Variants in MICU2 observed in about 807,000 individuals in gnomAD.
The protein encoded by MICU2 is calcium uptake protein 2, mitochondrial.
Under a neutral mutation model 60.4 loss-of-function variants are expected in MICU2, and 64 were observed. The ratio of observed to expected loss-of-function variants is 1.06; its 90% CI spans 0.87 to 1.31. The LOEUF is 1.31. Among genes scored for constraint, MICU2 ranks in the 50% most tolerant of loss-of-function variants. MICU2 has a pLI of 0.00. For synonymous variants in MICU2, 201 were observed against 175.0 expected (o/e 1.15, Z -1.17); for missense variants, 569 against 531.0 (o/e 1.07, Z -0.70).
chr13:21,584,771 C>T lies in MICU2; in HGVS notation c.211-17827G>A, dbSNP rs189457906. On this transcript the variant is annotated intron_variant, in intron 1 of 11. Coordinates refer to ENST00000382374, the MANE Select transcript of MICU2 (RefSeq NM_152726.3). ...AATTTACTCTACCAAATATTTACTG[C>T]TTTTTAAACTATAAATAAAACATTT... 1.7e-3 allele frequency among the ~76,000 whole-genome samples: 264 copies of T among 152,184 alleles called. 3 individuals carry two copies. The highest frequency in any genetic ancestry group is 6.2e-3 in the African/African-American group (256 of 41,516).
intron 4 of MICU2, among the ~76,000 whole-genome samples, chr13:21,538,368 G>C (rs1482200641): frequency 6.6e-6 from 1 of 151,872 alleles, no homozygotes. Context: ...CCAGGAGTTT[G>C]AGTCCAGCCT....
chr13:21,583,379 T>C (rs1397354711), intron 1 of MICU2, among the ~76,000 whole-genome samples: 3 of 152,266 alleles, frequency 2.0e-5, no homozygotes, highest in African/African-American at 7.2e-5. Context: ...TAAAATACAC[T>C]ACTGATTGCC....
chr13:21,521,954 T>C (rs1336870206), intron 5 of MICU2, among the ~76,000 whole-genome samples: 1 of 152,204 alleles, frequency 6.6e-6, no homozygotes. Context: ...ATTTTTAATT[T>C]TTTTTGTAGA....
chr13:21,510,040 CT>C lies in MICU2; in HGVS notation c.724del (p.Arg242GlufsTer34), dbSNP rs1886389149. On this transcript the variant is annotated frameshift_variant, in exon 8 of 12. Transcript: ENST00000382374. LOFTEE classifies it high-confidence loss of function. ...TTTATAATGAAGTTTTCTTTGTCCTCTTTTTCCAAAGAAACGCATCTGAAGA... is the reference window on the plus strand; with the variant it reads ...TTTATAATGAAGTTTTCTTTGTCCTCTTTTCCAAAGAAACGCATCTGAAGA... ...TTLQMRFFGK[R>X]GQRKLHYKEF... is the part of the protein sequence containing the mutation. 4.5e-6 allele frequency: 7 copies of C among 1,542,338 alleles called. No homozygotes were observed. Among genetic ancestry groups the C allele is most frequent in the East Asian group, 4.9e-5 (2 of 40,428 alleles).
At chr13:21,522,098 A>G (rs1431508541) in intron 5 of MICU2, among the ~76,000 whole-genome samples, 5 of 152,252 alleles carry the variant, frequency 3.3e-5, no homozygotes, top group African/African-American at 1.2e-4. Flanking sequence ...TATAAAGACT[A>G]AGAAATTAAC....
At chr13:21,578,924 C>G (rs143129925) in intron 1 of MICU2, among the ~76,000 whole-genome samples, 1 of 152,274 alleles carries the variant, frequency 6.6e-6, no homozygotes, top group East Asian at 1.9e-4. Flanking sequence ...ATCATGGAAT[C>G]TTAGAAACAG....
chr13:21,518,304 AC>A (rs1358523044), intron 6 of MICU2, among the ~76,000 whole-genome samples: 1 of 152,210 alleles, frequency 6.6e-6, no homozygotes, highest in Admixed American at 6.5e-5. Context: ...GAAAACAACA[AC>A]AACGATATGC....
In MICU2 at chr13:21,508,251, A is replaced by G. The variant is rs1042387782; in HGVS notation, c.761+1753T>C. 2.6e-5 allele frequency among the ~76,000 whole-genome samples: 4 copies of G among 151,226 alleles called. No homozygotes were observed. In the South Asian group the frequency reaches 6.3e-4, roughly 24 times the overall value. On this transcript the variant is annotated intron_variant, in intron 8 of 11. Transcript: ENST00000382374. Reference sequence around the variant, plus strand: ...CACCATTCTCCTGCCTCAGCCTCCCAAGTAGCAGGGTCTACAGGTGCCTGC... The same window carrying G: ...CACCATTCTCCTGCCTCAGCCTCCCGAGTAGCAGGGTCTACAGGTGCCTGC...
At chr13:21,534,490 A>G (rs548708597) in intron 4 of MICU2, among the ~76,000 whole-genome samples, 14 of 152,324 alleles carry the variant, frequency 9.2e-5, no homozygotes, top group Admixed American at 8.5e-4. Flanking sequence ...TACAGGCATC[A>G]GCCACTATGC....
At chr13:21,543,301 A>G (rs889630797) in intron 2 of MICU2, among the ~76,000 whole-genome samples, 1 of 152,194 alleles carries the variant, frequency 6.6e-6, no homozygotes, top group East Asian at 1.9e-4. Flanking sequence ...TATTCAACAT[A>G]GAACTGGAAG....
At chr13:21,573,036 T>C (rs781229837) in intron 1 of MICU2, among the ~76,000 whole-genome samples, 17 of 152,218 alleles carry the variant, frequency 1.1e-4, no homozygotes, top group Non-Finnish European at 2.5e-4. Context: ...TAATGCCATA[T>C]AAATTCAACA....
intron 7 of MICU2, among the ~76,000 whole-genome samples, chr13:21,511,208 A>C (rs1830971494): frequency 6.6e-6 from 1 of 152,200 alleles, no homozygotes; most frequent in South Asian, 2.1e-4. Context: ...TGGTGGAGCA[A>C]AATGCAGCAC....
chr13:21,601,573 G>GT (rs1487888248), intron 1 of MICU2, among the ~76,000 whole-genome samples: 2 of 152,010 alleles, frequency 1.3e-5, no homozygotes, highest in African/African-American at 4.8e-5. Context: ...AACTACACTA[G>GT]TGTGAAGCTT....
At chr13:21,500,417 A>ATTTTTTTTTTTTTTTTTTTTTTTT (rs10608018) in intron 9 of MICU2, among the ~76,000 whole-genome samples, 1 of 124,960 alleles carries the variant, frequency 8.0e-6, no homozygotes, top group African/African-American at 3.0e-5. Context: ...ATACCTACTG[A>ATTTTTTTTTTTTTTTTTTTTTTTT]TTTTTTTTTT....
chr13:21,522,562 GA>G, intron 5 of MICU2, 40 bp downstream of exon 5: 1 of 1,504,392 alleles, frequency 6.6e-7, no homozygotes, highest in Non-Finnish European at 9.1e-7. Context: ...TAAGAACAGA[GA>G]ATTCCACATG....
Position 21,522,666 on chromosome 13 carries a change from A to G in MICU2, c.467-16T>C. On this transcript the variant is annotated splice_polypyrimidine_tract_variant and intron_variant, in intron 4 of 11. Coordinates refer to ENST00000382374, the MANE Select transcript of MICU2 (RefSeq NM_152726.3). ...GAAATTAGCCCTGAAAGAGATAAAA[A>G]CATACCAGAAAATAAGCTTTAGATG... 6.3e-7 allele frequency: 1 copy of G among 1,578,306 alleles called. No homozygotes were observed. The highest frequency in any genetic ancestry group is 1.2e-5 in the South Asian group (1 of 86,336).
intron 1 of MICU2, among the ~76,000 whole-genome samples, chr13:21,588,097 C>T (rs1270977673): frequency 1.3e-5 from 2 of 152,296 alleles, no homozygotes; most frequent in African/African-American, 2.4e-5. Flanking sequence ...GTTGGTCCAA[C>T]GTTCTGCGGA....
chr13:21,532,776 G>A (rs1399538588), intron 4 of MICU2, among the ~76,000 whole-genome samples: 1 of 152,162 alleles, frequency 6.6e-6, no homozygotes, highest in East Asian at 1.9e-4. Context: ...GGAGGTCACT[G>A]GTGATCATGA....
chr13:21,599,547 A>G (rs1385104383), intron 1 of MICU2, among the ~76,000 whole-genome samples: 2 of 152,242 alleles, frequency 1.3e-5, no homozygotes, highest in Admixed American at 6.5e-5. Context: ...AAGTTCCACT[A>G]AGAATTTCTT....
Sources: allele counts gnomAD v4.1 joint callset (sites outside exome capture counted in the v4.1 genomes callset), GRCh38; gene constraint gnomAD v4.1.1; transcripts MANE v1.5; gene names NCBI Gene and HGNC (gene_info 2026-07-23, HGNC 2026-07-21).